Variants in ARSB observed in about 807,000 individuals in gnomAD.
The protein encoded by ARSB is arylsulfatase B.
In ARSB, 41 loss-of-function variants were observed where a neutral mutation model predicts 50.9. That is an observed-to-expected ratio of 0.81 (90% CI 0.63 to 1.04). The LOEUF (loss-of-function observed/expected upper bound fraction) is 1.04, where lower values mean the gene tolerates loss of function less well. Among genes scored for constraint, ARSB ranks in the 50% least tolerant of loss-of-function variants. The pLI, the probability that ARSB is intolerant of heterozygous loss-of-function variation, is 0.00. For synonymous variants in ARSB, 269 were observed against 284.8 expected (o/e 0.94, Z 0.56); for missense variants, 672 against 693.3 (o/e 0.97, Z 0.35).
chr5:78,815,840 A>C (rs1246379031), intron 6 of ARSB: 2 of 1,345,138 alleles, frequency 1.5e-6, no homozygotes, highest in Non-Finnish European at 1.9e-6. Context: ...CTTCAAAGAT[A>C]TTTTGAAATA....
intron 4 of ARSB, among the ~76,000 whole-genome samples, chr5:78,951,829 A>G (rs1751504462): frequency 6.6e-6 from 1 of 152,214 alleles, no homozygotes; most frequent in African/African-American, 2.4e-5. Flanking sequence ...CCAACATTCT[A>G]TAAACTATTC....
chr5:78,898,264 T>TCAAAA (rs1010752131), intron 4 of ARSB, among the ~76,000 whole-genome samples: 6 of 152,120 alleles, frequency 3.9e-5, no homozygotes, highest in African/African-American at 7.2e-5. Flanking sequence ...AGGCTCTGTC[T>TCAAAA]CAAAACAAAA....
At chr5:78,843,518 A>ACC (rs1745318119) in intron 5 of ARSB, among the ~76,000 whole-genome samples, 1 of 152,230 alleles carries the variant, frequency 6.6e-6, no homozygotes, top group East Asian at 1.9e-4. Flanking sequence ...GCCTGGGCAT[A>ACC]AAGATTTATA....
At chr5:78,865,121 T>G (rs1176559919) in intron 5 of ARSB, among the ~76,000 whole-genome samples, 2 of 152,230 alleles carry the variant, frequency 1.3e-5, no homozygotes, top group Non-Finnish European at 1.5e-5. Flanking sequence ...GGACTCCGTA[T>G]AGGGGTTCTG....
intron 4 of ARSB, among the ~76,000 whole-genome samples, chr5:78,945,916 G>A (rs74995774): frequency 0.034 from 5,208 of 152,182 alleles, 278 homozygotes; most frequent in African/African-American, 0.12. Context: ...CTGAGAGGTG[G>A]CTCTTATTGT....
intron 1 of ARSB, among the ~76,000 whole-genome samples, chr5:78,971,466 G>A (rs955987933): frequency 3.3e-5 from 5 of 152,198 alleles, no homozygotes; most frequent in African/African-American, 1.2e-4. Flanking sequence ...CCCTTCATCA[G>A]CTATAAGGTG....
intron 5 of ARSB, among the ~76,000 whole-genome samples, chr5:78,880,949 T>C (rs1327677297): frequency 6.6e-6 from 1 of 152,136 alleles, no homozygotes; most frequent in Non-Finnish European, 1.5e-5. Flanking sequence ...TTAAGAATTA[T>C]GGCTGAGCAC....
Position 78,984,958 on chromosome 5 carries a change from C to T in ARSB, c.291G>A (p.Gln97=). 6.8e-7 allele frequency: 1 copy of T among 1,474,392 alleles called. No homozygotes were observed. Among genetic ancestry groups the T allele is most frequent in the Non-Finnish European group, 9.0e-7 (1 of 1,111,638 alleles). 91.3% of individuals were successfully genotyped at this position (1,474,392 alleles called of 1,614,324 possible). The change falls in exon 1 of 8, where the codon CAG becomes CAA. Residue 97 remains glutamine (Q), a synonymous_variant. Transcript: ENST00000264914. ...TQPLCTPSRS[Q]LLTGRYQIRT... ...GTACCTGGTAGCGGCCAGTGAGCAG[C>T]TGGCTCCGCGACGGCGTGCACAGCG...
Position 78,955,589 on chromosome 5 carries a change from T to C in ARSB, c.691-87A>G, listed in dbSNP as rs1020687587. On this transcript the variant is annotated intron_variant, in intron 3 of 7. Coordinates refer to ENST00000264914, the MANE Select transcript of ARSB (RefSeq NM_000046.5). ...AAGACAGTTCAGATTTATGCATTAA[T>C]AAAAATAATATCAAGACAACCTACA... 12 of 1,092,102 alleles carry C rather than the reference T, an allele frequency of 1.1e-5. No homozygotes were observed. In the Admixed American group the frequency reaches 1.7e-4, roughly 15 times the overall value. 67.7% of individuals were successfully genotyped at this position (1,092,102 alleles called of 1,614,324 possible).
intron 4 of ARSB, among the ~76,000 whole-genome samples, chr5:78,909,901 G>A (rs948377189): frequency 3.3e-5 from 5 of 152,194 alleles, no homozygotes; most frequent in South Asian, 2.1e-4. Flanking sequence ...TATAAAACCC[G>A]ATTGTACATT....
In ARSB at chr5:78,967,403, G is replaced by A. The variant is rs571726712; in HGVS notation, c.499+1603C>T. Reference sequence around the variant, plus strand: ...AAATTTCAAATCTCAGGCTGGGCGCGGTGGCTCACACCTGTAATCCCAGCA... The same window carrying A: ...AAATTTCAAATCTCAGGCTGGGCGCAGTGGCTCACACCTGTAATCCCAGCA... On this transcript the variant is annotated intron_variant, in intron 2 of 7. Coordinates refer to ENST00000264914, the MANE Select transcript of ARSB (RefSeq NM_000046.5). 3.9e-5 allele frequency among the ~76,000 whole-genome samples: 6 copies of A among 152,168 alleles called. 1 individual carries two copies. The highest frequency in any genetic ancestry group is 4.2e-4 in the South Asian group (2 of 4,814).
intron 1 of ARSB, among the ~76,000 whole-genome samples, chr5:78,978,234 G>C (rs1040368587): frequency 6.6e-6 from 1 of 151,806 alleles, no homozygotes; most frequent in Non-Finnish European, 1.5e-5. Context: ...AGCTACTCAG[G>C]AGGCTGAGGC....
intron 4 of ARSB, among the ~76,000 whole-genome samples, chr5:78,948,762 T>C (rs1751365349): frequency 6.6e-6 from 1 of 152,184 alleles, no homozygotes; most frequent in Non-Finnish European, 1.5e-5. Flanking sequence ...GATATATGTA[T>C]AAACATAAAT....
chr5:78,911,572 T>TA lies in ARSB; in HGVS notation c.899-25746dup, dbSNP rs71001137. On this transcript the variant is annotated intron_variant, in intron 4 of 7. Coordinates refer to ENST00000264914, the MANE Select transcript of ARSB (RefSeq NM_000046.5). ...CTGGGGAACAGAGTGAGACTCCCTC[T>TA]AAAAAAAAAAAAAAAAAAAAAAAAA... Among the ~76,000 whole-genome samples the TA allele has an allele frequency of 3.4e-3, 229 of 67,830 alleles. 14 individuals are homozygous for TA. The highest frequency in any genetic ancestry group is 3.8e-3 in the African/African-American group (48 of 12,788). The allele number at this position is 67,830 out of a possible 152,430, so 44.5% of individuals were successfully genotyped here. A position where few individuals can be genotyped will look rare whatever the true frequency, so the allele number is the denominator to read the frequency against.
At chr5:78,915,499 T>C (rs1461523363) in intron 4 of ARSB, among the ~76,000 whole-genome samples, 1 of 152,116 alleles carries the variant, frequency 6.6e-6, no homozygotes, top group Non-Finnish European at 1.5e-5. Context: ...ATGAGAAAGG[T>C]CAAATAGGCT....
intron 3 of ARSB, among the ~76,000 whole-genome samples, chr5:78,958,227 A>T (rs748115960): frequency 9.7e-4 from 148 of 152,220 alleles, no homozygotes; most frequent in Non-Finnish European, 1.5e-3. Flanking sequence ...GACTCTTAAC[A>T]GTGGCAGGGG....
At chr5:78,927,792 T>C (rs1454345237) in intron 4 of ARSB, among the ~76,000 whole-genome samples, 2 of 152,082 alleles carry the variant, frequency 1.3e-5, no homozygotes, top group African/African-American at 4.8e-5. Context: ...CTAAATTGCC[T>C]AATGATTCAC....
At chr5:78,816,884 C>A in intron 6 of ARSB, 1 of 156,510 alleles carries the variant, frequency 6.4e-6, no homozygotes, top group Non-Finnish European at 1.4e-5. Context: ...TTCTGCAAAG[C>A]CTCCAGGTAA....
intron 5 of ARSB, among the ~76,000 whole-genome samples, chr5:78,881,724 C>T (rs1028172159): frequency 6.6e-6 from 1 of 152,214 alleles, no homozygotes; most frequent in Non-Finnish European, 1.5e-5. Context: ...TACAAGAGTA[C>T]ATTGATACAG....
Sources: allele counts gnomAD v4.1 joint callset (sites outside exome capture counted in the v4.1 genomes callset), GRCh38; gene constraint gnomAD v4.1.1; transcripts MANE v1.5; gene names NCBI Gene and HGNC (gene_info 2026-07-23, HGNC 2026-07-21).